Variants in KCNT2 observed in about 807,000 individuals in gnomAD.
KCNT2 encodes potassium channel subfamily T member 2.
Under a neutral mutation model 153.8 loss-of-function variants are expected in KCNT2, and 67 were observed. The observed-to-expected ratio is 0.44, with a 90% CI of 0.36 to 0.53. The LOEUF (loss-of-function observed/expected upper bound fraction) is 0.53. KCNT2 is among the 20% of genes least tolerant of loss of function. KCNT2 has a pLI of 0.00. For missense variants in KCNT2, 975 were observed against 1,354.8 expected (o/e 0.72, Z 4.40); for synonymous variants, 500 against 458.8 (o/e 1.09, Z -1.15).
chr1:196,584,837 T>G (rs1244671248), intron 1 of KCNT2, among the ~76,000 whole-genome samples: 2 of 152,094 alleles, frequency 1.3e-5, no homozygotes, highest in African/African-American at 4.8e-5. Context: ...GATTCATGAT[T>G]TATCACCCAG....
chr1:196,235,886 T>C (rs895271619), intron 27 of KCNT2, 100 bp downstream of exon 27: 21 of 687,320 alleles, frequency 3.1e-5, no homozygotes, highest in South Asian at 7.4e-5. Flanking sequence ...TAAGCACTTA[T>C]AAGAAAAATA....
intron 5 of KCNT2, among the ~76,000 whole-genome samples, chr1:196,472,380 C>A (rs1023309027): frequency 9.9e-5 from 15 of 152,178 alleles, no homozygotes; most frequent in Admixed American, 5.2e-4. Context: ...AACTGCTGAG[C>A]CAATTGAAAT....
chr1:196,385,527 A>G (rs1305231851), intron 13 of KCNT2, among the ~76,000 whole-genome samples: 1 of 152,118 alleles, frequency 6.6e-6, no homozygotes, highest in Non-Finnish European at 1.5e-5. Flanking sequence ...AAAAATCCCT[A>G]TAACTCATTA....
chr1:196,515,799 GGAT>G (rs759179301), intron 1 of KCNT2, among the ~76,000 whole-genome samples: 1 of 152,124 alleles, frequency 6.6e-6, no homozygotes, highest in Non-Finnish European at 1.5e-5. Context: ...AAGCAAGACA[GGAT>G]GACTGCCCAC....
At chr1:196,441,344 A>T (rs1319526498) in intron 8 of KCNT2, among the ~76,000 whole-genome samples, 2 of 151,182 alleles carry the variant, frequency 1.3e-5, no homozygotes, top group African/African-American at 4.8e-5. Context: ...ATATTTAAAA[A>T]GTATTCACTT....
In KCNT2 at chr1:196,549,154, T is replaced by TA. The variant is rs562310181; in HGVS notation, c.96-56814dup. ...ATGTACCCTAAAACTTAAAGTATGA[T>TA]AAAAAAAAGAAGTAAATCCAAAACT... is the stretch of plus-strand genomic sequence containing the variant. On this transcript the variant is annotated intron_variant, in intron 1 of 27. Coordinates refer to ENST00000294725, the MANE Select transcript of KCNT2 (RefSeq NM_198503.5). 5.1e-3 allele frequency among the ~76,000 whole-genome samples: 778 copies of TA among 151,896 alleles called. 3 individuals are homozygous for TA. The highest frequency in any genetic ancestry group is 0.016 in the African/African-American group (679 of 41,480).
At chr1:196,437,038 C>CT (rs376267259) in intron 8 of KCNT2, among the ~76,000 whole-genome samples, 6 of 4,480 alleles carry the variant, frequency 1.3e-3, no homozygotes, top group African/African-American at 4.3e-3. Context: ...AAATATATAT[C>CT]ATATATAAAT....
At chr1:196,511,297 G>T (rs1681608482) in intron 1 of KCNT2, among the ~76,000 whole-genome samples, 1 of 152,114 alleles carries the variant, frequency 6.6e-6, no homozygotes, top group African/African-American at 2.4e-5. Flanking sequence ...TTGCTGATAA[G>T]GAATTTCTGT....
rs529562697 is a variant in KCNT2, at chr1:196,549,152, G to C, written c.96-56811C>G. Reference sequence around the variant, plus strand: ...ACATGTACCCTAAAACTTAAAGTATGATAAAAAAAAGAAGTAAATCCAAAA... The same window carrying C: ...ACATGTACCCTAAAACTTAAAGTATCATAAAAAAAAGAAGTAAATCCAAAA... On this transcript the variant is annotated intron_variant, in intron 1 of 27. Coordinates refer to ENST00000294725, the MANE Select transcript of KCNT2 (RefSeq NM_198503.5). 1.3e-4 allele frequency among the ~76,000 whole-genome samples: 20 copies of C among 151,586 alleles called. 1 individual carries two copies. The highest frequency in any genetic ancestry group is 4.1e-4 in the African/African-American group (17 of 41,350).
chr1:196,319,685 G>A, intron 19 of KCNT2, 130 bp from the exon 20 acceptor site: 1 of 488,402 alleles, frequency 2.0e-6, no homozygotes, highest in Middle Eastern at 2.9e-4. Flanking sequence ...AATTTTCAGT[G>A]CTTTTTTTTC....
intron 12 of KCNT2, among the ~76,000 whole-genome samples, chr1:196,412,718 C>A (rs1368284773): frequency 1.3e-5 from 2 of 151,314 alleles, no homozygotes; most frequent in Non-Finnish European, 3.0e-5. Flanking sequence ...TTGAGTAAAG[C>A]AACACGAAAA....
At chr1:196,285,626 T>C in intron 23 of KCNT2, 31 bp downstream of exon 23, 1 of 1,352,388 alleles carries the variant, frequency 7.4e-7, no homozygotes, top group South Asian at 1.2e-5. Context: ...AAACAACCAT[T>C]TTAGAGAAAA....
At position 196,310,011 on chromosome 1, in the gene KCNT2, A is replaced by T. The variant is rs145402577; in HGVS notation, c.2484-4666T>A. Among the ~76,000 whole-genome samples the T allele has an allele frequency of 8.8e-4, 133 of 151,994 alleles. 1 individual carries two copies. In the East Asian group the frequency reaches 0.024, roughly 28 times the overall value. ...GTTCTCTGCCTGCATTAATTTATTC[A>T]ATAAATATTTTTACTAACCAATATA... is the stretch of plus-strand genomic sequence containing the variant. On this transcript the variant is annotated intron_variant, in intron 21 of 27. Transcript: ENST00000294725.
At chr1:196,521,992 T>C (rs1653493103) in intron 1 of KCNT2, among the ~76,000 whole-genome samples, 1 of 151,674 alleles carries the variant, frequency 6.6e-6, no homozygotes, top group Non-Finnish European at 1.5e-5. Flanking sequence ...AAGATGAATG[T>C]CAGGAATTCA....
chr1:196,389,162 C>G (rs889630082), intron 13 of KCNT2, among the ~76,000 whole-genome samples: 1 of 151,640 alleles, frequency 6.6e-6, no homozygotes, highest in Non-Finnish European at 1.5e-5. Flanking sequence ...TGTTATATGA[C>G]TATTGTAACC....
At chr1:196,386,928 A>G (rs1368596508) in intron 13 of KCNT2, among the ~76,000 whole-genome samples, 1 of 152,028 alleles carries the variant, frequency 6.6e-6, no homozygotes, top group East Asian at 1.9e-4. Flanking sequence ...TCATAAATTT[A>G]TATATATTTC....
At chr1:196,491,016 A>G (rs1248184127) in intron 2 of KCNT2, among the ~76,000 whole-genome samples, 2 of 152,052 alleles carry the variant, frequency 1.3e-5, no homozygotes, top group Non-Finnish European at 2.9e-5. Context: ...AATGCTGAAT[A>G]CATTTTATGG....
intron 21 of KCNT2, among the ~76,000 whole-genome samples, chr1:196,313,504 A>G (rs1180226880): frequency 2.0e-5 from 3 of 151,520 alleles, no homozygotes; most frequent in African/African-American, 7.3e-5. Flanking sequence ...GGAGGATGAT[A>G]ATTAACCACA....
At chr1:196,576,367 T>C (rs929661992) in intron 1 of KCNT2, among the ~76,000 whole-genome samples, 10 of 152,220 alleles carry the variant, frequency 6.6e-5, no homozygotes, top group Admixed American at 5.2e-4. Flanking sequence ...TCACTAGAAT[T>C]TGAATAGATG....
Sources: gnomAD v4.1 joint callset for allele counts (sites outside exome capture counted in the v4.1 genomes callset) on GRCh38, gnomAD v4.1.1 for gene constraint, MANE v1.5 for transcripts, NCBI Gene and HGNC (gene_info 2026-07-23, HGNC 2026-07-21) for gene names.